SCARF2: variants seen among roughly 807,000 people sequenced by gnomAD.
SCARF2 encodes scavenger receptor expressed by endothelial cells 2 protein.
Under a neutral mutation model 73.4 loss-of-function variants are expected in SCARF2, and 39 were observed. The observed-to-expected ratio is 0.53, with a 90% CI of 0.41 to 0.69. The LOEUF is 0.69. Ranked by LOEUF, SCARF2 falls within the 30% of genes least tolerant of loss-of-function variation. SCARF2 has a pLI of 0.00. For missense variants in SCARF2, 1,148 were observed against 1,303.5 expected, an observed-to-expected ratio of 0.88 and a Z score of 1.84; for synonymous variants, 605 against 590.0, an observed-to-expected ratio of 1.03 and a Z score of -0.37.
Position 20,425,619 on chromosome 22 carries a change from A to T in SCARF2, c.2357T>A (p.Val786Glu). 1 of 1,316,952 alleles carries T rather than the reference A, an allele frequency of 7.6e-7. No homozygotes were observed. 81.6% of individuals were successfully genotyped at this position (1,316,952 alleles called of 1,614,324 possible). Residue 786 changes from valine to glutamate, a missense_variant, in exon 11 of 11, where the codon GTG (valine) becomes GAG (glutamate). This residue lies in a region of SCARF2 where 169 missense variants were observed against 136.9 expected (regional missense o/e 1.23). Coordinates refer to ENST00000622235, the MANE Select transcript of SCARF2 (RefSeq NM_182895.5). The surrounding 1 kb of genome is among the most constrained non-coding windows in gnomAD (Gnocchi z 4.6). ...CCTGGGGCCCTGCGCGCCCAGGGCCACCTCGGCGCGGCCCAGGCTGCGAGT... is the reference window on the plus strand; with the variant it reads ...CCTGGGGCCCTGCGCGCCCAGGGCCTCCTCGGCGCGGCCCAGGCTGCGAGT... ...GKTRSLGRAE[V>E]ALGAQGPREK...
In SCARF2 at chr22:20,429,304, T is replaced by G; in HGVS notation, c.1461A>C (p.Arg487=). The stretch of plus-strand genomic sequence containing the variant: ...TGATGCGACTGAAGCGCCCGCATAG[T>G]CGGTGCGGCGCCTTCTTCCTCCCAA... ...LSLGRKKAPH[R]LCGRFSRISM... Residue 487 remains arginine (R), a synonymous_variant, in exon 9 of 11, where the codon CGA becomes CGC. Transcript: ENST00000622235. This position sits in a 1 kb window ranked among gnomAD's most constrained non-coding sequence, Gnocchi z 5.2. 6.3e-7 allele frequency: 1 copy of G among 1,580,694 alleles called. No homozygotes were observed. Among genetic ancestry groups the G allele is most frequent in the South Asian group, 1.1e-5 (1 of 90,464 alleles).
chr22:20,435,406 G>A (rs1396711246), intron 1 of SCARF2, among the ~76,000 whole-genome samples: 4 of 152,110 alleles, frequency 2.6e-5, no homozygotes, highest in Admixed American at 2.6e-4. Flanking sequence ...GGTGCGAAGT[G>A]TTTGCCACCT....
At chr22:20,434,060 G>A (rs532220280) in intron 1 of SCARF2, among the ~76,000 whole-genome samples, 3 of 152,358 alleles carry the variant, frequency 2.0e-5, no homozygotes, top group African/African-American at 7.2e-5. Context: ...CCTCAGGCAT[G>A]CAGCTTAAGC....
At chr22:20,430,292 T>A in intron 6 of SCARF2, 137 bp downstream of exon 6, 1 of 1,089,854 alleles carries the variant, frequency 9.2e-7, no homozygotes, top group Non-Finnish European at 1.3e-6. Context: ...AAGAGCCTAC[T>A]GTCACTCCCT....
At chr22:20,426,359 A>C in intron 10 of SCARF2, 77 bp from the exon 11 acceptor site, 1 of 1,480,336 alleles carries the variant, frequency 6.8e-7, no homozygotes, top group Non-Finnish European at 9.0e-7. Flanking sequence ...GCAAACCTTC[A>C]CCTTTCCTCC....
chr22:20,436,499 G>A (rs1376732037), intron 1 of SCARF2, among the ~76,000 whole-genome samples: 1 of 152,040 alleles, frequency 6.6e-6, no homozygotes, highest in Non-Finnish European at 1.5e-5. Flanking sequence ...CGGAGGCGGG[G>A]CTCGCAGCGG....
In SCARF2 at chr22:20,429,447, A is replaced by C; in HGVS notation, c.1424+89T>G. On this transcript the variant is annotated intron_variant, in intron 8 of 10. Coordinates refer to ENST00000622235, the MANE Select transcript of SCARF2 (RefSeq NM_182895.5). This position sits in a 1 kb window ranked among gnomAD's most constrained non-coding sequence, Gnocchi z 5.2. ...GAAGGGGCGGGGCCACGTCCGGGGC[A>C]GGGGCGCGGAAGGGTTGGATCTGGG... 3 of 1,572,322 alleles carry C rather than the reference A, an allele frequency of 1.9e-6. No homozygotes were observed. The highest frequency in any genetic ancestry group is 2.6e-6 in the Non-Finnish European group (3 of 1,161,012).
At chr22:20,435,966 G>A (rs778516627) in intron 1 of SCARF2, among the ~76,000 whole-genome samples, 1 of 152,240 alleles carries the variant, frequency 6.6e-6, no homozygotes, top group Non-Finnish European at 1.5e-5. Context: ...GATGTGGGAG[G>A]ACAACAAAGA....
At chr22:20,427,899 GCT>G (rs1181171056) in intron 9 of SCARF2, among the ~76,000 whole-genome samples, 6 of 152,240 alleles carry the variant, frequency 3.9e-5, no homozygotes, top group African/African-American at 1.4e-4. Flanking sequence ...AGGCCTCCAA[GCT>G]CTGTTTTAGG....
rs934144972 is a variant in SCARF2, at chr22:20,425,892, C to A, written c.2084G>T (p.Ser695Ile). ...PPGSEAAPSP[S>I]KRKRTPSDKS... ...GTCGCTGGGCGTCCGTTTCCTCTTG[C>A]TGGGGCTGGGCGCGGCCTCGGAGCC... Residue 695 changes from serine to isoleucine, a missense_variant, in exon 11 of 11, where the codon AGC (serine) becomes ATC (isoleucine). Ser to Ile is a moderately radical substitution (Grantham distance 142). Around this residue, in one of 5 missense-constraint regions of SCARF2, gnomAD observed 437 missense variants for 433.6 expected, o/e 1.01. Coordinates refer to ENST00000622235, the MANE Select transcript of SCARF2 (RefSeq NM_182895.5). This position sits in a 1 kb window ranked among gnomAD's most constrained non-coding sequence, Gnocchi z 4.6. 1 of 1,598,670 alleles carries A rather than the reference C, an allele frequency of 6.3e-7. No homozygotes were observed. The highest frequency in any genetic ancestry group is 8.5e-7 in the Non-Finnish European group (1 of 1,175,458).
At chr22:20,432,273 A>G (rs1474851520) in intron 1 of SCARF2, among the ~76,000 whole-genome samples, 1 of 152,172 alleles carries the variant, frequency 6.6e-6, no homozygotes, top group Non-Finnish European at 1.5e-5. Flanking sequence ...GTGGCCTTGG[A>G]GTCCCAGGAA....
intron 1 of SCARF2, among the ~76,000 whole-genome samples, chr22:20,436,233 C>T (rs572006973): frequency 6.6e-6 from 1 of 152,330 alleles, no homozygotes; most frequent in South Asian, 2.1e-4. Flanking sequence ...GGTCTGCAGA[C>T]CAGGGGAGCG....
Position 20,425,985 on chromosome 22 carries a change from T to G in SCARF2, c.1991A>C (p.Lys664Thr). The G allele has an allele frequency of 6.3e-7, 1 of 1,588,972 alleles. No homozygotes were observed. Among genetic ancestry groups the G allele is most frequent in the Non-Finnish European group, 8.5e-7 (1 of 1,173,270 alleles). Residue 664 changes from lysine (K) to threonine (T), a missense_variant, in exon 11 of 11, where the codon AAG becomes ACG. By Grantham distance (78) the Lys-to-Thr change is moderately conservative. Transcript: ENST00000622235. The surrounding 1 kb of genome is among the most constrained non-coding windows in gnomAD (Gnocchi z 4.6). ...GTGCTTGCCGTGGATCCAGGACACC[T>G]TAGGCTTGGTGGCGGGGTCAGGTGG... is the stretch of plus-strand genomic sequence containing the variant. ...PPPPDPATKP[K>T]VSWIHGKHSA...
At chr22:20,435,314 C>T (rs2052688863) in intron 1 of SCARF2, among the ~76,000 whole-genome samples, 1 of 152,228 alleles carries the variant, frequency 6.6e-6, no homozygotes, top group Admixed American at 6.5e-5. Flanking sequence ...CTTCCTCCTT[C>T]CCTATCCCAG....
Position 20,429,911 on chromosome 22 carries a change from A to C in SCARF2, c.1203-78T>G. ...CTACCCTCACCCCTCACCCGCGGCC[A>C]GGGCCCAGGGTCCAGGGTCCCAGAA... On this transcript the variant is annotated intron_variant, in intron 6 of 10. Coordinates refer to ENST00000622235, the MANE Select transcript of SCARF2 (RefSeq NM_182895.5). This position sits in a 1 kb window ranked among gnomAD's most constrained non-coding sequence, Gnocchi z 5.2. 7.0e-7 allele frequency: 1 copy of C among 1,427,050 alleles called. No homozygotes were observed. The highest frequency in any genetic ancestry group is 9.6e-7 in the Non-Finnish European group (1 of 1,041,478). 88.4% of individuals were successfully genotyped at this position (1,427,050 alleles called of 1,614,324 possible). A position where few individuals can be genotyped will look rare whatever the true frequency, so the allele number is the denominator to read the frequency against.
In SCARF2 at chr22:20,425,464, G is replaced by A. The variant is rs747303381; in HGVS notation, c.2512C>T (p.Arg838Trp). Residue 838 changes from arginine to tryptophan, a missense_variant, in exon 11 of 11, where the codon CGG (arginine) becomes TGG (tryptophan). Physicochemically the swap from Arg to Trp is moderately radical, Grantham distance 101. Transcript: ENST00000622235. This position sits in a 1 kb window ranked among gnomAD's most constrained non-coding sequence, Gnocchi z 4.6. The stretch of plus-strand genomic sequence containing the variant: ...GGCTTCTGGATGGGGGTCTTCTTCC[G>A]GGGGGTCTCAGGCGCGGGCAAGTCG... The part of the protein sequence containing the change: ...ATDLPAPETP[R>W]KKTPIQKPPR... The A allele has an allele frequency of 1.2e-5, 17 of 1,406,528 alleles. No homozygotes were observed. Among genetic ancestry groups the A allele is most frequent in the Non-Finnish European group, 1.5e-5 (16 of 1,078,854 alleles). 87.1% of individuals were successfully genotyped at this position (1,406,528 alleles called of 1,614,324 possible). A position where few individuals can be genotyped will look rare whatever the true frequency, so the allele number is the denominator to read the frequency against.
Position 20,429,891 on chromosome 22 carries a change from C to T in SCARF2, c.1203-58G>A, listed in dbSNP as rs1373077756. The T allele has an allele frequency of 2.0e-6, 3 of 1,513,012 alleles. No individual in the cohort carries two copies. Among genetic ancestry groups the T allele is most frequent in the South Asian group, 1.2e-5 (1 of 86,842 alleles). The allele number at this position is 1,513,012 out of a possible 1,614,324, so 93.7% of individuals were successfully genotyped here. On this transcript the variant is annotated intron_variant, in intron 6 of 10. Transcript: ENST00000622235. The surrounding 1 kb of genome is among the most constrained non-coding windows in gnomAD (Gnocchi z 5.2). Reference sequence around the variant, plus strand: ...CCGCCCCCCTAGGATGCCCCCTACCCTCACCCCTCACCCGCGGCCAGGGCC... The same window carrying T: ...CCGCCCCCCTAGGATGCCCCCTACCTTCACCCCTCACCCGCGGCCAGGGCC...
At chr22:20,435,673 G>A (rs9622791) in intron 1 of SCARF2, among the ~76,000 whole-genome samples, 10,187 of 152,256 alleles carry the variant, frequency 0.067, 373 homozygotes, top group South Asian at 0.12. Flanking sequence ...CTCTTCTGCA[G>A]GCCTGTGCTC....
At chr22:20,432,204 C>A (rs999812161) in intron 1 of SCARF2, among the ~76,000 whole-genome samples, 1 of 152,178 alleles carries the variant, frequency 6.6e-6, no homozygotes, top group Non-Finnish European at 1.5e-5. Flanking sequence ...CAGAACCACC[C>A]ACCCCATCTC....
Sources: allele counts gnomAD v4.1 joint callset (sites outside exome capture counted in the v4.1 genomes callset), GRCh38; gene constraint gnomAD v4.1.1; regional missense constraint gnomAD v4.1.1; non-coding constraint Gnocchi (gnomAD v3.1); transcripts MANE v1.5; gene names NCBI Gene and HGNC (gene_info 2026-07-23, HGNC 2026-07-21).